RCAN2: variants seen among roughly 807,000 people sequenced by gnomAD.
RCAN2 encodes calcipressin-2.
Under a neutral mutation model 23.6 loss-of-function variants are expected in RCAN2, and 9 were observed. The observed-to-expected ratio is 0.38, with a 90% CI of 0.23 to 0.67. The LOEUF (loss-of-function observed/expected upper bound fraction) is 0.67, where lower values mean the gene tolerates loss of function less well. Ranked by LOEUF, RCAN2 falls within the 30% of genes least tolerant of loss-of-function variation. The probability of loss-of-function intolerance (pLI) is 0.51; values close to 1 mark genes in which losing one functional copy is unlikely to be tolerated. For synonymous variants in RCAN2, 109 were observed against 115.7 expected, an observed-to-expected ratio of 0.94 and a Z score of 0.37; for missense variants, 273 against 302.3, an observed-to-expected ratio of 0.90 and a Z score of 0.72.
intron 2 of RCAN2, among the ~76,000 whole-genome samples, chr6:46,378,320 T>G (rs561447959): frequency 6.6e-6 from 1 of 152,246 alleles, no homozygotes; most frequent in African/African-American, 2.4e-5. Flanking sequence ...TTGAGTAAAA[T>G]GTTACTCAAC....
intron 2 of RCAN2, among the ~76,000 whole-genome samples, chr6:46,421,218 C>T (rs1249127748): frequency 6.6e-6 from 1 of 152,088 alleles, no homozygotes; most frequent in African/African-American, 2.4e-5. Flanking sequence ...ATGTACAAAA[C>T]AGATTAAATG....
At chr6:46,385,119 C>T (rs1403839911) in intron 2 of RCAN2, among the ~76,000 whole-genome samples, 1 of 152,160 alleles carries the variant, frequency 6.6e-6, no homozygotes, top group Non-Finnish European at 1.5e-5. Context: ...TAAAAGGAAC[C>T]TTTAAGTCTC....
intron 2 of RCAN2, among the ~76,000 whole-genome samples, chr6:46,445,058 A>T (rs1358616646): frequency 6.6e-6 from 1 of 152,110 alleles, no homozygotes; most frequent in Non-Finnish European, 1.5e-5. Context: ...CTCAGACTTC[A>T]GCAATGTCCC....
chr6:46,340,903 G>A (rs1252724341), intron 2 of RCAN2, among the ~76,000 whole-genome samples: 2 of 152,174 alleles, frequency 1.3e-5, no homozygotes, highest in African/African-American at 4.8e-5. Context: ...TTCTTTTAAA[G>A]TTAATTTGAA....
At chr6:46,225,232 A>G (rs1765622601) in intron 4 of RCAN2, among the ~76,000 whole-genome samples, 3 of 152,180 alleles carry the variant, frequency 2.0e-5, no homozygotes, top group Non-Finnish European at 2.9e-5. Context: ...GAATAGTGCC[A>G]CAATAAACAT....
intron 1 of RCAN2, among the ~76,000 whole-genome samples, chr6:46,459,353 G>A (rs1768146237): frequency 6.6e-6 from 1 of 152,090 alleles, no homozygotes; most frequent in Non-Finnish European, 1.5e-5. Context: ...TTGTAAGAAT[G>A]TTTCAATTAT....
chr6:46,424,667 C>A (rs912624130), intron 2 of RCAN2, among the ~76,000 whole-genome samples: 2 of 152,076 alleles, frequency 1.3e-5, no homozygotes, highest in African/African-American at 4.8e-5. Flanking sequence ...GGAGCAGAGG[C>A]GGCAATGTGT....
In RCAN2 at chr6:46,262,014, A is replaced by G. The variant is rs569831060; in HGVS notation, c.226-13118T>C. ...CACACAGAGTAGGTAAGCCCCTCCT[A>G]TCTGGTTCCTTTCTCCTCTTCTCCC... is the stretch of plus-strand genomic sequence containing the variant. On this transcript the variant is annotated intron_variant, in intron 2 of 4. Transcript: ENST00000371374. 2.0e-5 allele frequency among the ~76,000 whole-genome samples: 3 copies of G among 152,204 alleles called. No homozygotes were observed. In the East Asian group the frequency reaches 5.8e-4, roughly 29 times the overall value.
At chr6:46,418,707 A>ATG (rs1348068009) in intron 2 of RCAN2, among the ~76,000 whole-genome samples, 6 of 102,128 alleles carry the variant, frequency 5.9e-5, no homozygotes, top group Admixed American at 1.1e-4. Context: ...ATATATATAT[A>ATG]TATATATATA....
intron 2 of RCAN2, among the ~76,000 whole-genome samples, chr6:46,333,474 A>G (rs1202959061): frequency 6.6e-6 from 1 of 152,224 alleles, no homozygotes; most frequent in Non-Finnish European, 1.5e-5. Context: ...ATAATGCAGC[A>G]ATGGATAGAC....
At chr6:46,228,197 A>G (rs1443611722) in intron 4 of RCAN2, among the ~76,000 whole-genome samples, 2 of 152,202 alleles carry the variant, frequency 1.3e-5, no homozygotes, top group Non-Finnish European at 2.9e-5. Context: ...ACTTCCAACT[A>G]TGTGGTCAAT....
intron 2 of RCAN2, among the ~76,000 whole-genome samples, chr6:46,286,481 A>G (rs954276793): frequency 3.9e-5 from 6 of 152,210 alleles, no homozygotes; most frequent in African/African-American, 1.4e-4. Flanking sequence ...TCTTTACACA[A>G]TTATGCTGAT....
intron 2 of RCAN2, among the ~76,000 whole-genome samples, chr6:46,397,544 G>A (rs1766130198): frequency 6.6e-6 from 1 of 151,842 alleles, no homozygotes. Flanking sequence ...GCTGGTGAAG[G>A]GTACATGAGA....
chr6:46,332,529 A>G (rs981261748), intron 2 of RCAN2, among the ~76,000 whole-genome samples: 3 of 137,690 alleles, frequency 2.2e-5, no homozygotes, highest in East Asian at 2.1e-4. Context: ...CTCATTGTTC[A>G]ATTCCCACCT....
At chr6:46,481,467 T>G (rs763596944) in intron 1 of RCAN2, among the ~76,000 whole-genome samples, 9 of 152,180 alleles carry the variant, frequency 5.9e-5, no homozygotes, top group African/African-American at 4.8e-5. Flanking sequence ...AAAATCCAAT[T>G]ATAATTTTAT....
In RCAN2 at chr6:46,456,855, A is replaced by G. The variant is rs898267103; in HGVS notation, c.122T>C (p.Phe41Ser). ...GATTGCTTGAAAGGCTTCTTCTGCA[A>G]AACAACGAGTGACAGCCCAGTCCCT... ...IDRDWAVTRC[F>S]AEEAFQAITD... Residue 41 changes from phenylalanine to serine, a missense_variant, in exon 2 of 5, where the codon TTT becomes TCT. Physicochemically the swap from Phe to Ser is radical, Grantham distance 155. Coordinates refer to ENST00000371374, the MANE Select transcript of RCAN2 (RefSeq NM_001251974.2). 25 of 1,550,608 alleles carry G rather than the reference A, an allele frequency of 1.6e-5. No individual in the cohort carries two copies. The highest frequency in any genetic ancestry group is 3.9e-5 in the Admixed American group (2 of 50,992).
intron 2 of RCAN2, among the ~76,000 whole-genome samples, chr6:46,289,137 C>A (rs1762460099): frequency 6.6e-6 from 1 of 152,200 alleles, no homozygotes; most frequent in African/African-American, 2.4e-5. Flanking sequence ...GAGCACAGGG[C>A]AACACCTCAG....
intron 2 of RCAN2, among the ~76,000 whole-genome samples, chr6:46,397,750 A>C (rs1216913330): frequency 6.6e-6 from 1 of 152,192 alleles, no homozygotes; most frequent in African/African-American, 2.4e-5. Context: ...TAATGAATGA[A>C]TGAGTTCTGA....
intron 2 of RCAN2, among the ~76,000 whole-genome samples, chr6:46,394,272 G>T (rs532316288): frequency 2.0e-5 from 3 of 152,190 alleles, no homozygotes; most frequent in African/African-American, 7.2e-5. Flanking sequence ...ATCTGGACAC[G>T]AAGGTGCTTG....
Sources: allele counts gnomAD v4.1 joint callset (sites outside exome capture counted in the v4.1 genomes callset), GRCh38; gene constraint gnomAD v4.1.1; transcripts MANE v1.5; gene names NCBI Gene and HGNC (gene_info 2026-07-23, HGNC 2026-07-21).